The following PRKCE variants were observed in gnomAD, a reference collection of about 807,000 sequenced individuals.
PRKCE encodes protein kinase C epsilon.
In PRKCE, 16 loss-of-function variants were observed where a neutral mutation model predicts 85.4. That is an observed-to-expected ratio of 0.19 (90% confidence interval 0.13 to 0.28). The LOEUF (loss-of-function observed/expected upper bound fraction) is 0.28. Among genes scored for constraint, PRKCE ranks in the 10% least tolerant of loss-of-function variants. PRKCE has a pLI of 1.00. For synonymous variants in PRKCE, 388 were observed against 371.5 expected, an observed-to-expected ratio of 1.04 and a Z score of -0.51; for missense variants, 573 against 975.2, an observed-to-expected ratio of 0.59 and a Z score of 5.49.
intron 1 of PRKCE, among the ~76,000 whole-genome samples, chr2:45,699,786 C>A (rs1158875880): frequency 6.6e-6 from 1 of 152,148 alleles, no homozygotes; most frequent in Non-Finnish European, 1.5e-5. Context: ...TTAGAGGAGA[C>A]TGTGCTGTTG....
chr2:45,675,170 T>TA (rs1423823398), intron 1 of PRKCE: 1 of 152,112 alleles, frequency 6.6e-6, no homozygotes, highest in African/African-American at 2.4e-5. Flanking sequence ...CCCTGTAAGT[T>TA]ACAAAACAAA....
At chr2:45,889,292 G>C (rs1695536389) in intron 2 of PRKCE, among the ~76,000 whole-genome samples, 1 of 152,100 alleles carries the variant, frequency 6.6e-6, no homozygotes, top group Non-Finnish European at 1.5e-5. Flanking sequence ...CACCTTATAA[G>C]GACTTGCAGC....
intron 7 of PRKCE, among the ~76,000 whole-genome samples, chr2:46,003,399 T>A (rs918136064): frequency 6.6e-6 from 1 of 152,254 alleles, no homozygotes; most frequent in African/African-American, 2.4e-5. Flanking sequence ...TGCCAGCATC[T>A]ATGCGAAGGA....
chr2:45,906,351 C>T (rs1331007908), intron 2 of PRKCE, among the ~76,000 whole-genome samples: 1 of 152,200 alleles, frequency 6.6e-6, no homozygotes, highest in African/African-American at 2.4e-5. Flanking sequence ...AAGTCAAAGG[C>T]AATTGGGTTA....
chr2:45,830,906 G>A (rs1284598263), intron 1 of PRKCE, among the ~76,000 whole-genome samples: 2 of 152,226 alleles, frequency 1.3e-5, no homozygotes, highest in Admixed American at 6.5e-5. Context: ...CAATCAGAAT[G>A]TACTGTCCTA....
At chr2:45,817,084 T>TGTG (rs1689116290) in intron 1 of PRKCE, among the ~76,000 whole-genome samples, 1 of 150,562 alleles carries the variant, frequency 6.6e-6, no homozygotes, top group African/African-American at 2.4e-5. Context: ...TGTGTGTGTG[T>TGTG]GTGTGTGTGT....
intron 10 of PRKCE, among the ~76,000 whole-genome samples, chr2:46,064,280 C>CAAAA (rs58347072): frequency 3.3e-5 from 3 of 90,838 alleles, no homozygotes; most frequent in East Asian, 3.6e-4. Flanking sequence ...GACTCTGTCT[C>CAAAA]AAAAAAAAAA....
intron 1 of PRKCE, among the ~76,000 whole-genome samples, chr2:45,773,345 G>T (rs553255968): frequency 6.6e-6 from 1 of 152,138 alleles, no homozygotes; most frequent in African/African-American, 2.4e-5. Flanking sequence ...GATGATGGCC[G>T]AAGTAGTGAC....
chr2:45,769,214 CTT>C (rs1179877086), intron 1 of PRKCE, among the ~76,000 whole-genome samples: 11 of 152,194 alleles, frequency 7.2e-5, no homozygotes, highest in Non-Finnish European at 1.2e-4. Context: ...TTTGTATACT[CTT>C]GACAAAAGTC....
intron 11 of PRKCE, among the ~76,000 whole-genome samples, chr2:46,108,368 A>G (rs1414123045): frequency 6.6e-6 from 1 of 152,208 alleles, no homozygotes; most frequent in African/African-American, 2.4e-5. Flanking sequence ...ACACAGATAG[A>G]ATTGGAGGCC....
chr2:46,086,431 A>G, intron 11 of PRKCE, 69 bp downstream of exon 11: 1 of 1,528,430 alleles, frequency 6.5e-7, no homozygotes, highest in Non-Finnish European at 8.8e-7. Flanking sequence ...ACTTGAACTG[A>G]CTTCAGCTCC....
chr2:46,144,745 G>A (rs975916100), intron 11 of PRKCE, among the ~76,000 whole-genome samples: 3 of 152,212 alleles, frequency 2.0e-5, no homozygotes, highest in Non-Finnish European at 4.4e-5. Context: ...ATGAGGGACA[G>A]GGGTAGATGC....
chr2:45,858,091 A>T (rs1692822031), intron 2 of PRKCE, among the ~76,000 whole-genome samples: 1 of 152,216 alleles, frequency 6.6e-6, no homozygotes. Flanking sequence ...TTGAGTCACC[A>T]GGGTCATTGG....
chr2:45,764,056 G>C (rs1157982642), intron 1 of PRKCE, among the ~76,000 whole-genome samples: 1 of 152,184 alleles, frequency 6.6e-6, no homozygotes, highest in Non-Finnish European at 1.5e-5. Flanking sequence ...TTGATGTCCT[G>C]AACTGCGATC....
chr2:46,070,617 T>A (rs1667999664), intron 10 of PRKCE, among the ~76,000 whole-genome samples: 1 of 151,602 alleles, frequency 6.6e-6, no homozygotes, highest in African/African-American at 2.4e-5. Flanking sequence ...CACTCCAGCC[T>A]TAGCGACAGA....
chr2:46,030,377 T>C (rs1707431323), intron 10 of PRKCE, among the ~76,000 whole-genome samples: 1 of 152,210 alleles, frequency 6.6e-6, no homozygotes, highest in Non-Finnish European at 1.5e-5. Context: ...CTTCCCTAGC[T>C]AAGTTTAAGT....
At chr2:46,098,019 C>G (rs1036802834) in intron 11 of PRKCE, among the ~76,000 whole-genome samples, 2 of 152,146 alleles carry the variant, frequency 1.3e-5, no homozygotes, top group Non-Finnish European at 2.9e-5. Context: ...CTGCCTTTGA[C>G]ATCAGAGGTT....
intron 2 of PRKCE, among the ~76,000 whole-genome samples, chr2:45,876,991 C>A (rs575105241): frequency 6.6e-6 from 1 of 152,230 alleles, no homozygotes; most frequent in East Asian, 1.9e-4. Context: ...TTGGAAATTA[C>A]CATTTAAGTA....
chr2:45,767,389 A>C (rs1417087531), intron 1 of PRKCE, among the ~76,000 whole-genome samples: 1 of 152,232 alleles, frequency 6.6e-6, no homozygotes, highest in East Asian at 1.9e-4. Context: ...TTTATGTCAG[A>C]AATATGTATC....
Sources: allele counts gnomAD v4.1 joint callset (sites outside exome capture counted in the v4.1 genomes callset), GRCh38; gene constraint gnomAD v4.1.1; transcripts MANE v1.5; gene names NCBI Gene and HGNC (gene_info 2026-07-23, HGNC 2026-07-21).